The following ASIC2 variants were observed in gnomAD, a reference collection of about 807,000 sequenced individuals.
ASIC2 encodes acid-sensing ion channel 2.
In ASIC2, 25 loss-of-function variants were observed where a neutral mutation model predicts 57.3. The observed-to-expected ratio is 0.44, with a 90% confidence interval of 0.32 to 0.61. ASIC2 has a LOEUF of 0.61. Ranked by LOEUF, ASIC2 falls within the 20% of genes least tolerant of loss-of-function variation. The probability of loss-of-function intolerance (pLI) is 0.06; values close to 1 mark genes in which losing one functional copy is unlikely to be tolerated. For synonymous variants in ASIC2, 319 were observed against 307.5 expected, an observed-to-expected ratio of 1.04 and a Z score of -0.39; for missense variants, 641 against 738.1, an observed-to-expected ratio of 0.87 and a Z score of 1.52.
rs148373473 is a variant in ASIC2 at position 33,124,810 on chromosome 17, C to T, written c.709-12743G>A. Among the ~76,000 whole-genome samples, 801 of 152,164 alleles carry T rather than the reference C, an allele frequency of 5.3e-3. 7 individuals are homozygous for T. The highest frequency in any genetic ancestry group is 0.019 in the African/African-American group (777 of 41,498). ...ATAAAGAAATAATTAGGTAACTCACCATAATGTAGAATCAGTGGGAGCCCT... is the reference window on the plus strand; with the variant it reads ...ATAAAGAAATAATTAGGTAACTCACTATAATGTAGAATCAGTGGGAGCCCT... On this transcript the variant is annotated intron_variant, in intron 1 of 9. Coordinates refer to ENST00000225823, the MANE Select transcript of ASIC2 (RefSeq NM_183377.2).
At chr17:33,738,469 A>AC (rs1909994981) in intron 1 of ASIC2, among the ~76,000 whole-genome samples, 1 of 152,230 alleles carries the variant, frequency 6.6e-6, no homozygotes, top group East Asian at 1.9e-4. Context: ...GCCTATAAAT[A>AC]CCCTGATCCT....
intron 1 of ASIC2, among the ~76,000 whole-genome samples, chr17:33,385,720 C>T (rs962150006): frequency 6.6e-6 from 1 of 152,150 alleles, no homozygotes; most frequent in Non-Finnish European, 1.5e-5. Flanking sequence ...CCTGGTGAAG[C>T]TGAGAAGAAA....
At chr17:33,133,538 G>T (rs572474946) in intron 1 of ASIC2, among the ~76,000 whole-genome samples, 1 of 152,300 alleles carries the variant, frequency 6.6e-6, no homozygotes, top group East Asian at 1.9e-4. Context: ...GGGAAACTTA[G>T]ACTCTCAGAA....
At position 33,862,511 on chromosome 17, in the gene ASIC2, G is replaced by A. The variant is rs544132798; in HGVS notation, c.555+293467C>T. Among the ~76,000 whole-genome samples the A allele has an allele frequency of 5.3e-5, 8 of 152,270 alleles. No homozygotes were observed. The South Asian group carries it at 1.0e-3, about 20-fold the overall frequency. On this transcript the variant is annotated intron_variant, in intron 1 of 9. Transcript: ENST00000359872. ...AAATCAGGGTAATCAGCAAGATACA[G>A]ATTTTTAAAATCCTAATCTTATAGA...
At chr17:33,986,086 T>G (rs1905808502) in intron 1 of ASIC2, among the ~76,000 whole-genome samples, 1 of 152,190 alleles carries the variant, frequency 6.6e-6, no homozygotes, top group Non-Finnish European at 1.5e-5. Flanking sequence ...ACTTTCTTTT[T>G]TCTTTTCTTC....
At chr17:34,052,249 C>A (rs1026032369) in intron 1 of ASIC2, among the ~76,000 whole-genome samples, 1 of 152,162 alleles carries the variant, frequency 6.6e-6, no homozygotes, top group African/African-American at 2.4e-5. Context: ...TGCCCCTGAG[C>A]CAAGAAACAT....
Position 33,093,223 on chromosome 17 carries a change from A to C in ASIC2, c.860-4233T>G, listed in dbSNP as rs923386812. On this transcript the variant is annotated intron_variant, in intron 2 of 9. Transcript: ENST00000225823. ...CAAGACAGCAATCTCAAGAGCATTA[A>C]ACCAAGTGAGTGGCCCTTCTGATTG... Among the ~76,000 whole-genome samples, 3 of 152,326 alleles carry C rather than the reference A, an allele frequency of 2.0e-5. No homozygotes were observed. In the East Asian group the frequency reaches 5.8e-4, roughly 29 times the overall value.
At chr17:33,795,991 C>T (rs1911906712) in intron 1 of ASIC2, among the ~76,000 whole-genome samples, 1 of 152,224 alleles carries the variant, frequency 6.6e-6, no homozygotes, top group African/African-American at 2.4e-5. Flanking sequence ...ATTATCAACA[C>T]TGTTAAGATG....
At chr17:33,962,283 C>T (rs1231421430) in intron 1 of ASIC2, among the ~76,000 whole-genome samples, 1 of 152,120 alleles carries the variant, frequency 6.6e-6, no homozygotes, top group Non-Finnish European at 1.5e-5. Context: ...AGCTTTGAGG[C>T]CAGCTGAGGC....
chr17:34,131,246 CATATTG>C (rs985325641), intron 1 of ASIC2, among the ~76,000 whole-genome samples: 33 of 152,154 alleles, frequency 2.2e-4, no homozygotes, highest in South Asian at 1.5e-3. Context: ...AAAGTAGTGA[CATATTG>C]AGAGCTGTGT....
rs552996432 is a variant in ASIC2, at chr17:33,205,242, C to G, written c.708+86166G>C. 2.0e-5 allele frequency among the ~76,000 whole-genome samples: 3 copies of G among 152,332 alleles called. No individual in the cohort carries two copies. The South Asian group carries it at 6.2e-4, about 32-fold the overall frequency. On this transcript the variant is annotated intron_variant, in intron 1 of 9. Transcript: ENST00000225823. ...TCTCTTGTCAGTCCTCAAAGCCACC[C>G]TGTGTGCCCCTTGCATCACCTGATT... is the stretch of plus-strand genomic sequence containing the variant.
At chr17:33,343,346 C>T (rs1335351168) in intron 1 of ASIC2, among the ~76,000 whole-genome samples, 1 of 152,168 alleles carries the variant, frequency 6.6e-6, no homozygotes, top group Non-Finnish European at 1.5e-5. Flanking sequence ...GATGTAGTTC[C>T]GTGATTCTTA....
At chr17:33,064,608 G>A (rs886408658) in intron 3 of ASIC2, among the ~76,000 whole-genome samples, 1 of 152,324 alleles carries the variant, frequency 6.6e-6, no homozygotes, top group African/African-American at 2.4e-5. Flanking sequence ...CCCCTACTGG[G>A]GGGTGCATCC....
At chr17:33,069,352 T>C (rs1272654039) in intron 3 of ASIC2, among the ~76,000 whole-genome samples, 2 of 152,200 alleles carry the variant, frequency 1.3e-5, no homozygotes, top group African/African-American at 2.4e-5. Context: ...TTGGGTCAAC[T>C]TGGTTGAGAG....
At chr17:33,313,187 A>G (rs1304094035) in intron 1 of ASIC2, among the ~76,000 whole-genome samples, 1 of 152,066 alleles carries the variant, frequency 6.6e-6, no homozygotes, top group Non-Finnish European at 1.5e-5. Flanking sequence ...TTAGCCAGGC[A>G]TAGTGGTGTG....
At chr17:34,000,535 G>C (rs983615783) in intron 1 of ASIC2, among the ~76,000 whole-genome samples, 1 of 152,124 alleles carries the variant, frequency 6.6e-6, no homozygotes, top group Admixed American at 6.5e-5. Context: ...TTACAGGTGT[G>C]AGCCACCACA....
chr17:33,282,479 G>GTGTGTGTGCT (rs1555592668), intron 1 of ASIC2, among the ~76,000 whole-genome samples: 5,610 of 146,984 alleles, frequency 0.038, 156 homozygotes, highest in Middle Eastern at 0.095. Context: ...GTGTGTGCTT[G>GTGTGTGTGCT]TGTGTGTGTG....
intron 1 of ASIC2, among the ~76,000 whole-genome samples, chr17:33,920,088 C>T (rs1283781547): frequency 1.3e-5 from 2 of 152,196 alleles, no homozygotes; most frequent in Non-Finnish European, 2.9e-5. Flanking sequence ...TAAATTCGTT[C>T]AGCCACTGTG....
At chr17:33,086,653 T>C (rs1302826716) in intron 3 of ASIC2, among the ~76,000 whole-genome samples, 1 of 152,152 alleles carries the variant, frequency 6.6e-6, no homozygotes, top group Non-Finnish European at 1.5e-5. Context: ...ACTATCATAG[T>C]TTCTAACAGC....
Sources: allele counts gnomAD v4.1 joint callset (sites outside exome capture counted in the v4.1 genomes callset), GRCh38; gene constraint gnomAD v4.1.1; transcripts MANE v1.5; gene names NCBI Gene and HGNC (gene_info 2026-07-23, HGNC 2026-07-21).